PICALM: variants seen among roughly 807,000 people sequenced by gnomAD.
The protein encoded by PICALM is phosphatidylinositol-binding clathrin assembly protein.
In PICALM, 40 loss-of-function variants were observed where a neutral mutation model predicts 80.5. The observed-to-expected ratio is 0.50, with a 90% confidence interval of 0.39 to 0.65. The LOEUF is 0.65. Among genes scored for constraint, PICALM ranks in the 30% least tolerant of loss-of-function variants. The probability of loss-of-function intolerance (pLI) is 0.00; values close to 1 mark genes in which losing one functional copy is unlikely to be tolerated. For missense variants in PICALM, 676 were observed against 778.9 expected (o/e 0.87, Z 1.57); for synonymous variants, 288 against 260.3 (o/e 1.11, Z -1.02).
intron 1 of PICALM, among the ~76,000 whole-genome samples, chr11:86,063,852 G>A (rs2096405118): frequency 6.6e-6 from 1 of 151,538 alleles, no homozygotes; most frequent in African/African-American, 2.4e-5. Context: ...CAAAATAACT[G>A]TCTTCTTAAA....
chr11:86,003,363 T>C lies in PICALM; in HGVS notation c.893+3A>G. The C allele has an allele frequency of 1.3e-6, 2 of 1,571,426 alleles. No individual in the cohort carries two copies. The highest frequency in any genetic ancestry group is 1.7e-6 in the Non-Finnish European group (2 of 1,146,670). On this transcript the variant is annotated splice_donor_region_variant and intron_variant, in intron 9 of 19. Transcript: ENST00000393346. ...GCTTTTTGGCCTACAAAGAATGATA[T>C]ACCTGCTTGCAGCTGTAGAATCTTT...
At chr11:86,008,515 C>T (rs956491919) in intron 7 of PICALM, among the ~76,000 whole-genome samples, 8 of 151,698 alleles carry the variant, frequency 5.3e-5, no homozygotes, top group African/African-American at 1.9e-4. Context: ...AGCTACTCAG[C>T]AGGCTGAAGC....
At chr11:86,044,675 T>A (rs1468170963) in intron 1 of PICALM, among the ~76,000 whole-genome samples, 1 of 152,206 alleles carries the variant, frequency 6.6e-6, no homozygotes, top group Non-Finnish European at 1.5e-5. Context: ...TACTGGCTCA[T>A]GACCTGTTAG....
At chr11:86,012,612 G>C (rs757230726) in intron 5 of PICALM, among the ~76,000 whole-genome samples, 1 of 152,070 alleles carries the variant, frequency 6.6e-6, no homozygotes. Flanking sequence ...CCAGATAATT[G>C]TATTTATTTG....
intron 19 of PICALM, among the ~76,000 whole-genome samples, chr11:85,961,721 T>C (rs2093694620): frequency 6.6e-6 from 1 of 152,218 alleles, no homozygotes; most frequent in African/African-American, 2.4e-5. Context: ...TATTACAAAA[T>C]GAGCTTTTCT....
rs187809347 is a variant in PICALM, at chr11:85,974,328, G to A, written c.1944+380C>T. 44 of 268,102 alleles carry A rather than the reference G, an allele frequency of 1.6e-4. No individual in the cohort carries two copies. In the East Asian group the frequency reaches 3.0e-3, roughly 18 times the overall value. 16.6% of individuals were successfully genotyped at this position (268,102 alleles called of 1,614,324 possible). ...TTCACAAGCATCTCAAGGCCAACAC[G>A]CCCTGCTGTAGCATCATTCTAGCCA... is the stretch of plus-strand genomic sequence containing the variant. On this transcript the variant is annotated intron_variant, in intron 19 of 19. Transcript: ENST00000393346.
chr11:86,014,357 T>C (rs1408271696), intron 5 of PICALM, among the ~76,000 whole-genome samples: 1 of 152,188 alleles, frequency 6.6e-6, no homozygotes, highest in Admixed American at 6.5e-5. Context: ...TCTAACACAT[T>C]ATAAATGAAT....
At chr11:86,011,851 G>GA (rs2095400685) in intron 6 of PICALM, among the ~76,000 whole-genome samples, 1 of 132,974 alleles carries the variant, frequency 7.5e-6, no homozygotes, top group Non-Finnish European at 1.6e-5. Context: ...TATCCTTTTT[G>GA]TTTTTTTTTT....
Position 86,017,652 on chromosome 11 carries a change from A to AT in PICALM, c.453-2690dup, listed in dbSNP as rs558327595. ...AAGGCCTTCCCAGTTTTGCCACAGC[A>AT]TACTAGTATGGTAGAAAGGGTTATA... On this transcript the variant is annotated intron_variant, in intron 4 of 19. Transcript: ENST00000393346. Among the ~76,000 whole-genome samples, 167 of 152,342 alleles carry AT rather than the reference A, an allele frequency of 1.1e-3. 2 individuals are homozygous for AT. The highest frequency in any genetic ancestry group is 3.7e-3 in the African/African-American group (153 of 41,586).
chr11:85,961,855 C>CTATT (rs34885729), intron 19 of PICALM, among the ~76,000 whole-genome samples: 38,104 of 149,340 alleles, frequency 0.26, 4,903 homozygotes, highest in African/African-American at 0.3. Context: ...TTCTTTCTAC[C>CTATT]TATTTATTTA....
intron 1 of PICALM, among the ~76,000 whole-genome samples, chr11:86,039,094 G>C (rs1318079446): frequency 7.4e-6 from 1 of 134,904 alleles, no homozygotes. Flanking sequence ...CTGGGCAACA[G>C]AGTGAGACTC....
chr11:86,032,976 T>C lies in PICALM; in HGVS notation c.131-1365A>G, dbSNP rs539304114. Reference sequence around the variant, plus strand: ...GATAAGCAGCTACGGTGGCCAATACTGCTTAAAGAACAAAGAACAAAACAG... The same window carrying C: ...GATAAGCAGCTACGGTGGCCAATACCGCTTAAAGAACAAAGAACAAAACAG... On this transcript the variant is annotated intron_variant, in intron 1 of 19. Transcript: ENST00000393346. Among the ~76,000 whole-genome samples, 458 of 152,302 alleles carry C rather than the reference T, an allele frequency of 3.0e-3. 3 individuals carry two copies. The highest frequency in any genetic ancestry group is 4.5e-3 in the Non-Finnish European group (308 of 68,032).
intron 11 of PICALM, 41 bp downstream of exon 11, chr11:86,000,602 G>A (rs757196515): frequency 1.3e-6 from 2 of 1,550,542 alleles, no homozygotes; most frequent in African/African-American, 2.8e-5. Flanking sequence ...AGAAGTCTTT[G>A]AACCTACATA....
Position 86,000,762 on chromosome 11 carries a change from T to C in PICALM, c.1035A>G (p.Glu345=), listed in dbSNP as rs150582057. The change falls in exon 11 of 20, where the codon GAA becomes GAG. Residue 345 remains glutamate (E), a synonymous_variant. Transcript: ENST00000393346. ...LKALKEQRLK[E]LAKKPHTSLT... ...AAGAGGTATGAGGTTTCTTTGCAAG[T>C]TCTTTTAGGCGCTGTTCCTGTTAAG... 27 of 1,613,026 alleles carry C rather than the reference T, an allele frequency of 1.7e-5. No individual in the cohort carries two copies. Among genetic ancestry groups the C allele is most frequent in the East Asian group, 4.5e-5 (2 of 44,890 alleles).
chr11:86,027,500 ATT>A (rs747834494), intron 2 of PICALM, among the ~76,000 whole-genome samples: 26 of 140,138 alleles, frequency 1.9e-4, no homozygotes, highest in Non-Finnish European at 1.7e-4. Context: ...TGAAATCAGT[ATT>A]TTTTTTTTTT....
intron 1 of PICALM, among the ~76,000 whole-genome samples, chr11:86,049,181 C>A (rs1343117999): frequency 1.3e-5 from 2 of 152,088 alleles, no homozygotes; most frequent in African/African-American, 4.8e-5. Flanking sequence ...ATAATCCCAA[C>A]TACTTGGGAG....
intron 19 of PICALM, among the ~76,000 whole-genome samples, chr11:85,965,253 C>G (rs1440804826): frequency 1.3e-5 from 2 of 152,160 alleles, no homozygotes; most frequent in Non-Finnish European, 2.9e-5. Context: ...CTTGCCAAAT[C>G]CCAGTACGCT....
chr11:86,024,932 T>C (rs183515639), intron 3 of PICALM, among the ~76,000 whole-genome samples: 126 of 152,306 alleles, frequency 8.3e-4, no homozygotes, highest in African/African-American at 3.0e-3. Flanking sequence ...ATTTCCCTGA[T>C]TGAGCCTCAC....
intron 1 of PICALM, among the ~76,000 whole-genome samples, chr11:86,059,109 T>G (rs1398632086): frequency 6.6e-6 from 1 of 152,226 alleles, no homozygotes; most frequent in Non-Finnish European, 1.5e-5. Flanking sequence ...ATATATAAAT[T>G]TGTAACCAGG....
Sources: allele counts gnomAD v4.1 joint callset (sites outside exome capture counted in the v4.1 genomes callset), GRCh38; gene constraint gnomAD v4.1.1; transcripts MANE v1.5; gene names NCBI Gene and HGNC (gene_info 2026-07-23, HGNC 2026-07-21).